The following MALRD1 variants were observed in gnomAD, a reference collection of about 807,000 sequenced individuals.
MALRD1 encodes MAM and LDL receptor class A domain containing 1.
In MALRD1, 247 loss-of-function variants were observed where a neutral mutation model predicts 242.1. The ratio of observed to expected loss-of-function variants is 1.02; its 90% CI spans 0.92 to 1.13. The LOEUF is 1.13. Ranked by LOEUF, MALRD1 falls within the 50% of genes most tolerant of loss-of-function variation. The pLI, the probability that MALRD1 is intolerant of heterozygous loss-of-function variation, is 0.00. For missense variants in MALRD1, 2,989 were observed against 2,533.1 expected, an observed-to-expected ratio of 1.18 and a Z score of -3.86; for synonymous variants, 995 against 866.6, an observed-to-expected ratio of 1.15 and a Z score of -2.60.
chr10:19,122,955 A>C (rs1365247882), intron 5 of MALRD1, among the ~76,000 whole-genome samples: 1 of 152,058 alleles, frequency 6.6e-6, no homozygotes, highest in Non-Finnish European at 1.5e-5. Context: ...TGAACTCCTG[A>C]CCTCAGGTGA....
intron 14 of MALRD1, among the ~76,000 whole-genome samples, chr10:19,188,554 T>C (rs975109494): frequency 6.6e-6 from 1 of 152,196 alleles, no homozygotes; most frequent in Non-Finnish European, 1.5e-5. Context: ...TGTGATCTTT[T>C]TTTGTCTGTG....
intron 36 of MALRD1, among the ~76,000 whole-genome samples, chr10:19,684,408 A>G (rs1842491491): frequency 6.6e-6 from 1 of 152,232 alleles, no homozygotes; most frequent in Admixed American, 6.5e-5. Context: ...TGTAATATAA[A>G]TGGAGAGCGA....
chr10:19,066,010 T>C (rs1834968823), intron 1 of MALRD1, among the ~76,000 whole-genome samples: 1 of 152,144 alleles, frequency 6.6e-6, no homozygotes, highest in Non-Finnish European at 1.5e-5. Flanking sequence ...TTATGGTACC[T>C]AAGAGTTGTA....
At chr10:19,380,864 T>C (rs953191248) in intron 26 of MALRD1, among the ~76,000 whole-genome samples, 1 of 152,264 alleles carries the variant, frequency 6.6e-6, no homozygotes, top group East Asian at 1.9e-4. Context: ...GTTTTTCTTC[T>C]AGGATCACTT....
At chr10:19,292,675 G>A (rs372249790) in intron 21 of MALRD1, among the ~76,000 whole-genome samples, 6 of 151,910 alleles carry the variant, frequency 3.9e-5, no homozygotes, top group African/African-American at 1.2e-4. Context: ...GGCGGATCAC[G>A]AGGTCAGGAG....
At chr10:19,666,815 T>C (rs879339741) in intron 36 of MALRD1, among the ~76,000 whole-genome samples, 4 of 152,102 alleles carry the variant, frequency 2.6e-5, no homozygotes, top group Admixed American at 6.6e-5. Context: ...AATAAAGCCA[T>C]ATAAATCCAC....
At chr10:19,359,273 A>G (rs1844784312) in intron 26 of MALRD1, among the ~76,000 whole-genome samples, 1 of 152,172 alleles carries the variant, frequency 6.6e-6, no homozygotes, top group Admixed American at 6.6e-5. Flanking sequence ...CAAATTTCAC[A>G]GAATGCCTCT....
At chr10:19,242,625 T>A (rs894608760) in intron 18 of MALRD1, among the ~76,000 whole-genome samples, 1 of 152,144 alleles carries the variant, frequency 6.6e-6, no homozygotes, top group African/African-American at 2.4e-5. Flanking sequence ...TAGTTACACC[T>A]AAGTAATATA....
chr10:19,341,109 TTG>T lies in MALRD1; in HGVS notation c.3902-6658_3902-6657del, dbSNP rs981657868. 1.2e-4 allele frequency among the ~76,000 whole-genome samples: 18 copies of T among 152,222 alleles called. 1 individual carries two copies. The South Asian group carries it at 3.1e-3, about 26-fold the overall frequency. On this transcript the variant is annotated intron_variant, in intron 24 of 39. Coordinates refer to ENST00000454679, the MANE Select transcript of MALRD1 (RefSeq NM_001142308.3). Reference sequence around the variant, plus strand: ...TAATTTTTTAACCATTAGCAATAATTTGTGTTTTATTTTGTATATCTTTCTAT... The same window carrying T: ...TAATTTTTTAACCATTAGCAATAATTTGTTTTATTTTGTATATCTTTCTAT...
At chr10:19,613,923 CT>C (rs767667595) in intron 35 of MALRD1, among the ~76,000 whole-genome samples, 37 of 152,132 alleles carry the variant, frequency 2.4e-4, no homozygotes, top group Non-Finnish European at 4.0e-4. Flanking sequence ...CTCTGGAAAG[CT>C]TTTTCTTACT....
intron 28 of MALRD1, among the ~76,000 whole-genome samples, chr10:19,400,676 TAAAA>T (rs1238015609): frequency 6.6e-6 from 1 of 152,048 alleles, no homozygotes. Flanking sequence ...TTAGAAGAAA[TAAAA>T]AAATTAAATT....
At chr10:19,369,946 G>A (rs1845300263) in intron 26 of MALRD1, among the ~76,000 whole-genome samples, 1 of 151,866 alleles carries the variant, frequency 6.6e-6, no homozygotes, top group Non-Finnish European at 1.5e-5. Context: ...TTCTATAATG[G>A]TTGCTGCTTT....
chr10:19,257,636 AC>A (rs1410155873), intron 18 of MALRD1, 47 bp from the exon 19 acceptor site: 26 of 1,314,056 alleles, frequency 2.0e-5, no homozygotes, highest in Non-Finnish European at 2.2e-5. Context: ...AATTTCCTTT[AC>A]CACATAAACA....
intron 2 of MALRD1, among the ~76,000 whole-genome samples, chr10:19,083,937 G>A (rs79954264): frequency 6.6e-6 from 1 of 151,870 alleles, no homozygotes; most frequent in Admixed American, 6.6e-5. Flanking sequence ...AATTCATTTT[G>A]TGGGGGAAAA....
At chr10:19,690,828 G>T (rs994938934) in intron 36 of MALRD1, among the ~76,000 whole-genome samples, 1 of 151,678 alleles carries the variant, frequency 6.6e-6, no homozygotes, top group East Asian at 1.9e-4. Context: ...TAGATAGATA[G>T]ACAGACAGAC....
At chr10:19,433,127 A>G (rs577274444) in intron 28 of MALRD1, among the ~76,000 whole-genome samples, 2 of 152,306 alleles carry the variant, frequency 1.3e-5, no homozygotes, top group South Asian at 2.1e-4. Context: ...CTAATCAAAG[A>G]GACAGATATT....
intron 18 of MALRD1, among the ~76,000 whole-genome samples, chr10:19,224,475 T>A (rs1837700647): frequency 6.6e-6 from 1 of 152,056 alleles, no homozygotes; most frequent in African/African-American, 2.4e-5. Context: ...GTGTTTTTGG[T>A]AGAGACAGAG....
At chr10:19,262,188 A>C (rs1340490024) in intron 19 of MALRD1, among the ~76,000 whole-genome samples, 1 of 152,106 alleles carries the variant, frequency 6.6e-6, no homozygotes, top group Non-Finnish European at 1.5e-5. Context: ...TAATATTGTT[A>C]ATTTATTTTT....
chr10:19,357,700 C>T (rs1844698647), intron 26 of MALRD1, among the ~76,000 whole-genome samples: 1 of 152,066 alleles, frequency 6.6e-6, no homozygotes, highest in Non-Finnish European at 1.5e-5. Context: ...TTGGAATTTG[C>T]ACAATGTAAA....
Sources: gnomAD v4.1 joint callset for allele counts (sites outside exome capture counted in the v4.1 genomes callset) on GRCh38, gnomAD v4.1.1 for gene constraint, MANE v1.5 for transcripts, NCBI Gene and HGNC (gene_info 2026-07-23, HGNC 2026-07-21) for gene names.